The following OSBPL3 variants were observed in gnomAD, a reference collection of about 807,000 sequenced individuals.
The protein encoded by OSBPL3 is oxysterol-binding protein-related protein 3.
In OSBPL3, 65 loss-of-function variants were observed where a neutral mutation model predicts 120.1. That is an observed-to-expected ratio of 0.54 (90% CI 0.44 to 0.67). OSBPL3 has a LOEUF of 0.67. Among genes scored for constraint, OSBPL3 ranks in the 30% least tolerant of loss-of-function variants. The pLI, the probability that OSBPL3 is intolerant of heterozygous loss-of-function variation, is 0.00. For missense variants in OSBPL3, 1,004 were observed against 1,082.1 expected (o/e 0.93, Z 1.01); for synonymous variants, 416 against 402.6 (o/e 1.03, Z -0.40).
rs934746859 is a variant in OSBPL3, at chr7:24,803,059, C to T, written c.2567+1256G>A. ...TTAGGGAAAAGAGCATCATATTCTT[C>T]AAGACAAAACCTTATTTGTCACTAT... On this transcript the variant is annotated intron_variant, in intron 22 of 22. Transcript: ENST00000313367. The surrounding 1 kb of genome is among the most constrained non-coding windows in gnomAD (Gnocchi z 4.2). Among the ~76,000 whole-genome samples, 2 of 152,102 alleles carry T rather than the reference C, an allele frequency of 1.3e-5. No homozygotes were observed. The highest frequency in any genetic ancestry group is 2.4e-5 in the African/African-American group (1 of 41,396).
intron 1 of OSBPL3, among the ~76,000 whole-genome samples, chr7:24,897,988 C>A (rs1241223432): frequency 6.6e-6 from 1 of 152,066 alleles, no homozygotes; most frequent in Non-Finnish European, 1.5e-5. Context: ...TTGCAATTTC[C>A]CAGTAAAATA....
intron 10 of OSBPL3, among the ~76,000 whole-genome samples, chr7:24,856,897 T>C (rs971123746): frequency 1.3e-5 from 2 of 152,214 alleles, no homozygotes; most frequent in African/African-American, 4.8e-5. Context: ...TAAAATTCTT[T>C]TTAACCCATA....
chr7:24,960,550 A>G (rs1815605267), intron 1 of OSBPL3, among the ~76,000 whole-genome samples: 1 of 152,214 alleles, frequency 6.6e-6, no homozygotes, highest in African/African-American at 2.4e-5. Context: ...GCTGTGAAAT[A>G]TAGAACAGGC....
Position 24,871,726 on chromosome 7 carries a change from C to G in OSBPL3, c.267+16G>C. On this transcript the variant is annotated intron_variant, in intron 4 of 22. Coordinates refer to ENST00000313367, the MANE Select transcript of OSBPL3 (RefSeq NM_015550.4). The surrounding 1 kb of genome is among the most constrained non-coding windows in gnomAD (Gnocchi z 4.8). ...AGGATTCTTCAATACCACAGTGGGCCCACAAAAAGACTTACATCGGTTTGG... is the reference window on the plus strand; with the variant it reads ...AGGATTCTTCAATACCACAGTGGGCGCACAAAAAGACTTACATCGGTTTGG... 6.2e-7 allele frequency: 1 copy of G among 1,602,946 alleles called. No homozygotes were observed. Among genetic ancestry groups the G allele is most frequent in the Non-Finnish European group, 8.5e-7 (1 of 1,170,100 alleles).
chr7:24,798,232 C>T lies in OSBPL3; in HGVS notation c.*1951G>A, dbSNP rs1791923611. ...ATTTTCCAAATGCCACATGACAGTGCTACGTCCATTCAGGCTGTGCATTTT... is the reference window on the plus strand; with the variant it reads ...ATTTTCCAAATGCCACATGACAGTGTTACGTCCATTCAGGCTGTGCATTTT... On this transcript the variant is annotated 3_prime_UTR_variant, in exon 23 of 23. Coordinates refer to ENST00000313367, the MANE Select transcript of OSBPL3 (RefSeq NM_015550.4). The surrounding 1 kb of genome is among the most constrained non-coding windows in gnomAD (Gnocchi z 4.6). 1.3e-5 allele frequency: 2 copies of T among 152,230 alleles called. No individual in the cohort carries two copies. The highest frequency in any genetic ancestry group is 4.8e-5 in the African/African-American group (2 of 41,460). 9.4% of individuals were successfully genotyped at this position (152,230 alleles called of 1,614,324 possible). A position where few individuals can be genotyped will look rare whatever the true frequency, so the allele number is the denominator to read the frequency against.
chr7:24,971,711 T>G (rs1487298837), intron 1 of OSBPL3, among the ~76,000 whole-genome samples: 3 of 152,206 alleles, frequency 2.0e-5, no homozygotes, highest in Non-Finnish European at 4.4e-5. Context: ...TTATCAGTGA[T>G]AAACTGGAAT....
At position 24,842,542 on chromosome 7, in the gene OSBPL3, A is replaced by G. The variant is rs1584335004; in HGVS notation, c.1267-129T>C. 1.1e-5 allele frequency: 8 copies of G among 711,516 alleles called. No homozygotes were observed. In the East Asian group the frequency reaches 2.1e-4, roughly 18 times the overall value. The allele number at this position is 711,516 out of a possible 1,614,324, so 44.1% of individuals were successfully genotyped here. ...AAATAAGCAACTCAAAGCAGAAGTCAGCTCCAACACTGAGATGCGAGCCTC... is the reference window on the plus strand; with the variant it reads ...AAATAAGCAACTCAAAGCAGAAGTCGGCTCCAACACTGAGATGCGAGCCTC... On this transcript the variant is annotated intron_variant, in intron 12 of 22. Transcript: ENST00000313367.
At position 24,939,286 on chromosome 7, in the gene OSBPL3, C is replaced by A. The variant is rs898337941; in HGVS notation, c.-150+40600G>T. ...GGTAATTGTCTGCCCAGTAGCCATT[C>A]TCCTGTGCTTCTTTGTGGCTGACAA... On this transcript the variant is annotated intron_variant, in intron 1 of 22. Transcript: ENST00000313367. The surrounding 1 kb of genome is among the most constrained non-coding windows in gnomAD (Gnocchi z 4.2). Among the ~76,000 whole-genome samples the A allele has an allele frequency of 3.3e-5, 5 of 152,224 alleles. No homozygotes were observed. Among genetic ancestry groups the A allele is most frequent in the Non-Finnish European group, 5.9e-5 (4 of 68,050 alleles).
intron 1 of OSBPL3, among the ~76,000 whole-genome samples, chr7:24,901,282 C>T (rs1806980578): frequency 6.6e-6 from 1 of 151,644 alleles, no homozygotes; most frequent in African/African-American, 2.4e-5. Flanking sequence ...CGCCACTGTA[C>T]TCCAGCCTGC....
intron 16 of OSBPL3, among the ~76,000 whole-genome samples, chr7:24,823,813 GC>G (rs1318305064): frequency 6.6e-6 from 1 of 152,172 alleles, no homozygotes; most frequent in Non-Finnish European, 1.5e-5. Flanking sequence ...TAACTTCAAT[GC>G]CCATGGAAAA....
intron 1 of OSBPL3, among the ~76,000 whole-genome samples, chr7:24,925,341 G>A (rs1810920452): frequency 6.6e-6 from 1 of 152,198 alleles, no homozygotes; most frequent in East Asian, 1.9e-4. Flanking sequence ...TTGGAACACT[G>A]GGGGGTGATG....
At position 24,881,043 on chromosome 7, in the gene OSBPL3, A is replaced by G. The variant is rs928925828; in HGVS notation, c.97-8974T>C. Among the ~76,000 whole-genome samples, 1 of 152,222 alleles carries G rather than the reference A, an allele frequency of 6.6e-6. No individual in the cohort carries two copies. Among genetic ancestry groups the G allele is most frequent in the Admixed American group, 6.5e-5 (1 of 15,270 alleles). On this transcript the variant is annotated intron_variant, in intron 2 of 22. Coordinates refer to ENST00000313367, the MANE Select transcript of OSBPL3 (RefSeq NM_015550.4). The surrounding 1 kb of genome is among the most constrained non-coding windows in gnomAD (Gnocchi z 4.3). ...ACAGGGCATTCATGACTCTTCAAGGAGACCCACTGCTTTGCTGGACAGCAC... is the reference window on the plus strand; with the variant it reads ...ACAGGGCATTCATGACTCTTCAAGGGGACCCACTGCTTTGCTGGACAGCAC...
rs1238695887 is a variant in OSBPL3 at position 24,802,451 on chromosome 7, A to G, written c.2567+1864T>C. On this transcript the variant is annotated intron_variant, in intron 22 of 22. Transcript: ENST00000313367. This position sits in a 1 kb window ranked among gnomAD's most constrained non-coding sequence, Gnocchi z 4.1. ...ATCATTTTACAGACAGTCAAAAAGA[A>G]AAAGAGCAATGGCCGCCCCAGCTGA... is the stretch of plus-strand genomic sequence containing the variant. Among the ~76,000 whole-genome samples, 1 of 152,256 alleles carries G rather than the reference A, an allele frequency of 6.6e-6. No individual in the cohort carries two copies. Among genetic ancestry groups the G allele is most frequent in the African/African-American group, 2.4e-5 (1 of 41,472 alleles).
chr7:24,908,946 C>G (rs1279618594), intron 1 of OSBPL3, among the ~76,000 whole-genome samples: 4 of 152,230 alleles, frequency 2.6e-5, no homozygotes, highest in African/African-American at 9.6e-5. Context: ...CTCGGCTTAT[C>G]AACACTATCT....
rs1309405235 is a variant in OSBPL3 at position 24,937,484 on chromosome 7, T to C, written c.-150+42402A>G. ...ATAAGGATACATATAGTTTTAGTTC[T>C]TTCTGCTTTATAGAATTTAATTTAC... On this transcript the variant is annotated intron_variant, in intron 1 of 22. Coordinates refer to ENST00000313367, the MANE Select transcript of OSBPL3 (RefSeq NM_015550.4). This position sits in a 1 kb window ranked among gnomAD's most constrained non-coding sequence, Gnocchi z 4.0. Among the ~76,000 whole-genome samples, 2 of 152,252 alleles carry C rather than the reference T, an allele frequency of 1.3e-5. No individual in the cohort carries two copies. Among genetic ancestry groups the C allele is most frequent in the African/African-American group, 4.8e-5 (2 of 41,466 alleles).
chr7:24,911,833 G>C (rs1210546985), intron 1 of OSBPL3, among the ~76,000 whole-genome samples: 5 of 152,168 alleles, frequency 3.3e-5, no homozygotes, highest in African/African-American at 4.8e-5. Flanking sequence ...TTTTAAACTA[G>C]TGCAAACTGG....
Position 24,816,618 on chromosome 7 carries a change from A to G in OSBPL3, c.2019T>C (p.Thr673=). The change falls in exon 18 of 23, where the codon ACT becomes ACC. Residue 673 remains threonine (T), a synonymous_variant. Transcript: ENST00000313367. ...ACAGAAGAAGAACTTACACTGGCAGAGTCACATGGGTTGTGCCAATTGGAA... is the reference window on the plus strand; with the variant it reads ...ACAGAAGAAGAACTTACACTGGCAGGGTCACATGGGTTGTGCCAATTGGAA... The part of the protein sequence containing the change: ...EIVPIGTTHV[T]LPVFGDHFEW... 1 of 1,609,942 alleles carries G rather than the reference A, an allele frequency of 6.2e-7. No homozygotes were observed. Among genetic ancestry groups the G allele is most frequent in the Non-Finnish European group, 8.5e-7 (1 of 1,176,152 alleles).
In OSBPL3 at chr7:24,965,032, C is replaced by G. The variant is rs1206619730; in HGVS notation, c.-150+14854G>C. 1.3e-5 allele frequency among the ~76,000 whole-genome samples: 2 copies of G among 152,262 alleles called. No homozygotes were observed. The highest frequency in any genetic ancestry group is 2.9e-5 in the Non-Finnish European group (2 of 68,022). On this transcript the variant is annotated intron_variant, in intron 1 of 22. Transcript: ENST00000313367. This position sits in a 1 kb window ranked among gnomAD's most constrained non-coding sequence, Gnocchi z 4.3. ...TTCTTATTATTTGTAATTGAGACTA[C>G]TGGGCCACTAAAGTGCATGAGTTCA...
chr7:24,893,373 CA>C (rs1300265408), intron 1 of OSBPL3, among the ~76,000 whole-genome samples: 4 of 152,108 alleles, frequency 2.6e-5, no homozygotes, highest in African/African-American at 9.6e-5. Context: ...AACCCAGACA[CA>C]AAAAAATAAA....
Sources: gnomAD v4.1 joint callset for allele counts (sites outside exome capture counted in the v4.1 genomes callset) on GRCh38, gnomAD v4.1.1 for gene constraint, Gnocchi (gnomAD v3.1) non-coding constraint, MANE v1.5 for transcripts, NCBI Gene and HGNC (gene_info 2026-07-23, HGNC 2026-07-21) for gene names.